Variants in PNPO observed in about 807,000 individuals in gnomAD.
PNPO encodes pyridoxine-5'-phosphate oxidase.
Under a neutral mutation model 35.0 loss-of-function variants are expected in PNPO, and 39 were observed. The ratio of observed to expected loss-of-function variants is 1.11; its 90% CI spans 0.86 to 1.45. PNPO has a LOEUF of 1.45. Ranked by LOEUF, PNPO falls within the 40% of genes most tolerant of loss-of-function variation. The pLI is 0.00. For missense variants in PNPO, 288 were observed against 340.0 expected (o/e 0.85, Z 1.20); for synonymous variants, 115 against 119.8 (o/e 0.96, Z 0.26).
At chr17:47,942,330 C>A (rs1225248335) in intron 1 of PNPO, among the ~76,000 whole-genome samples, 1 of 151,244 alleles carries the variant, frequency 6.6e-6, no homozygotes, top group African/African-American at 2.4e-5. Context: ...TCGGAGTCAT[C>A]TACTGGGGGG....
rs1437324844 is a variant in PNPO, at chr17:47,941,662, G to A, written c.-14G>A. 2 of 1,523,936 alleles carry A rather than the reference G, an allele frequency of 1.3e-6. No individual in the cohort carries two copies. The highest frequency in any genetic ancestry group is 8.9e-7 in the Non-Finnish European group (1 of 1,128,450). 94.4% of individuals were successfully genotyped at this position (1,523,936 alleles called of 1,614,324 possible). Reference sequence around the variant, plus strand: ...TGCCGGGCCACAGCCGGGTCACGTGGCCGGCGGCCCCCCATGACGTGCTGG... The same window carrying A: ...TGCCGGGCCACAGCCGGGTCACGTGACCGGCGGCCCCCCATGACGTGCTGG... On this transcript the variant is annotated 5_prime_UTR_variant, in exon 1 of 7. Transcript: ENST00000642017.
chr17:47,947,074 G>T lies in PNPO; in HGVS notation c.*292G>T, dbSNP rs939834693. The T allele has an allele frequency of 5.1e-6, 2 of 395,270 alleles. No homozygotes were observed. Among genetic ancestry groups the T allele is most frequent in the Non-Finnish European group, 9.5e-6 (2 of 211,114 alleles). 24.5% of individuals were successfully genotyped at this position (395,270 alleles called of 1,614,324 possible). On this transcript the variant is annotated 3_prime_UTR_variant, in exon 7 of 7. Transcript: ENST00000642017. ...ATAGCTCCCTCTAGGGGTAGCAGCC[G>T]GTGTGACTCCCTTTCTGGTGACAGA... is the stretch of plus-strand genomic sequence containing the variant.
At position 47,944,627 on chromosome 17, in the gene PNPO, C is replaced by G. The variant is rs753372216; in HGVS notation, c.275C>G (p.Pro92Arg). 1 of 1,613,786 alleles carries G rather than the reference C, an allele frequency of 6.2e-7. No individual in the cohort carries two copies. Among genetic ancestry groups the G allele is most frequent in the Non-Finnish European group, 8.5e-7 (1 of 1,179,756 alleles). ...CLATCTRDGKPSARMLLLKGF... is the reference protein window; with the variant it reads ...CLATCTRDGKRSARMLLLKGF... ...CTCTTTGCTCCTAGAGATGGAAAAC[C>G]CTCTGCTCGCATGTTGCTGCTGAAG... The change falls in exon 3 of 7, where the codon CCC becomes CGC. Residue 92 changes from proline (P) to arginine (R), a missense_variant. Physicochemically the swap from Pro to Arg is moderately radical, Grantham distance 103. Coordinates refer to ENST00000642017, the MANE Select transcript of PNPO (RefSeq NM_018129.4).
intron 3 of PNPO, 141 bp downstream of exon 3, chr17:47,944,856 A>G (rs1402827744): frequency 5.5e-6 from 4 of 731,792 alleles, no homozygotes; most frequent in Non-Finnish European, 9.9e-6. Context: ...AGGCCTTGGC[A>G]CTTGCTGTGC....
chr17:47,946,716 T>G lies in PNPO; in HGVS notation c.720T>G (p.Asp240Glu), dbSNP rs886937123. ...TTCGGCGGGGCCTACCCACAGGAGA[T>G]TCCCCTTTGGGGCCCATGACCCACC... is the stretch of plus-strand genomic sequence containing the variant. ...IVFRRGLPTG[D>E]SPLGPMTHRG... Residue 240 changes from aspartate (D) to glutamate (E), a missense_variant, in exon 7 of 7, where the codon GAT becomes GAG. Physicochemically the swap from Asp to Glu is conservative, Grantham distance 45. Coordinates refer to ENST00000642017, the MANE Select transcript of PNPO (RefSeq NM_018129.4). 1.2e-5 allele frequency: 19 copies of G among 1,614,016 alleles called. No homozygotes were observed. The highest frequency in any genetic ancestry group is 1.6e-5 in the Non-Finnish European group (19 of 1,179,960).
intron 6 of PNPO, 28 bp from the exon 7 acceptor site, chr17:47,946,586 G>A (rs754990445): frequency 2.5e-5 from 41 of 1,612,028 alleles, no homozygotes; most frequent in Non-Finnish European, 3.4e-5. Context: ...ACTCCACAGA[G>A]CACTGAAACC....
intron 5 of PNPO, 88 bp downstream of exon 5, chr17:47,946,077 C>T: frequency 6.7e-7 from 1 of 1,500,238 alleles, no homozygotes; most frequent in East Asian, 2.3e-5. Flanking sequence ...AGGAGATGTC[C>T]CCAGGAGATG....
In PNPO at chr17:47,945,965, G is replaced by A; in HGVS notation, c.522G>A (p.Gln174=). ...AGATTGGGGCTGTGGTCAGCCACCA[G>A]AGTTCTGTGATCCCTGATCGGGAGG... ...SSQIGAVVSH[Q]SSVIPDREYL... Residue 174 remains glutamine (Q), a synonymous_variant, in exon 5 of 7, where the codon CAG becomes CAA. Transcript: ENST00000642017. This position sits in a 1 kb window ranked among gnomAD's most constrained non-coding sequence, Gnocchi z 4.0. 6.2e-7 allele frequency: 1 copy of A among 1,614,020 alleles called. No homozygotes were observed. The highest frequency in any genetic ancestry group is 8.5e-7 in the Non-Finnish European group (1 of 1,180,042).
rs1299097842 is a variant in PNPO at position 47,941,779 on chromosome 17, G to A, written c.104G>A (p.Gly35Glu). The A allele has an allele frequency of 6.4e-7, 1 of 1,569,974 alleles. No homozygotes were observed. The highest frequency in any genetic ancestry group is 8.6e-7 in the Non-Finnish European group (1 of 1,157,044). ...LCGRSAAMDL[G>E]PMRKSYRGDR... ...GGTCGCAGTGCTGCCATGGACCTGGGACCCATGCGCAAGAGTTACCGCGGG... is the reference window on the plus strand; with the variant it reads ...GGTCGCAGTGCTGCCATGGACCTGGAACCCATGCGCAAGAGTTACCGCGGG... The change falls in exon 1 of 7, where the codon GGA becomes GAA. Residue 35 changes from glycine to glutamate, a missense_variant. Physicochemically the swap from Gly to Glu is moderately conservative, Grantham distance 98. Coordinates refer to ENST00000642017, the MANE Select transcript of PNPO (RefSeq NM_018129.4).
At chr17:47,943,758 G>GTC (rs2035973567) in intron 2 of PNPO, among the ~76,000 whole-genome samples, 1 of 152,140 alleles carries the variant, frequency 6.6e-6, no homozygotes, top group African/African-American at 2.4e-5. Context: ...GTGAAGCTCT[G>GTC]TCTCTCTCTC....
In PNPO at chr17:47,949,077, G is replaced by A. The variant is rs2036043066; in HGVS notation, c.*2295G>A. ...CCTGTGGCCCCCTGCAGGCAGGAGG[G>A]TGTTGGGTGCCCTTACCTACCTTGC... is the stretch of plus-strand genomic sequence containing the variant. On this transcript the variant is annotated 3_prime_UTR_variant, in exon 7 of 7. Transcript: ENST00000642017. 6.6e-6 allele frequency: 1 copy of A among 152,356 alleles called. No individual in the cohort carries two copies. Among genetic ancestry groups the A allele is most frequent in the Non-Finnish European group, 1.5e-5 (1 of 68,144 alleles). 9.4% of individuals were successfully genotyped at this position (152,356 alleles called of 1,614,324 possible).
At position 47,946,588 on chromosome 17, in the gene PNPO, A is replaced by G. The variant is rs79515268; in HGVS notation, c.618-26A>G. The G allele has an allele frequency of 0.074, 119,169 of 1,611,456 alleles. 4,931 individuals are homozygous for G. The highest frequency in any genetic ancestry group is 0.1 in the Middle Eastern group (607 of 6,052). On this transcript the variant is annotated intron_variant, in intron 6 of 6. Coordinates refer to ENST00000642017, the MANE Select transcript of PNPO (RefSeq NM_018129.4). ...ACCTGGCTAGAAAACTCCACAGAGC[A>G]CTGAAACCTCTGCTTCTCCTTATAG...
At position 47,944,734 on chromosome 17, in the gene PNPO, T is replaced by C. The variant is rs1184829569; in HGVS notation, c.363+19T>C. 1 of 1,591,534 alleles carries C rather than the reference T, an allele frequency of 6.3e-7. No individual in the cohort carries two copies. Among genetic ancestry groups the C allele is most frequent in the Admixed American group, 1.7e-5 (1 of 59,998 alleles). ...AGAGCTGGTGGGTGAAAAGAGCTAGTAATCTTTCCCAGGGCCTGCAGGGTT... is the reference window on the plus strand; with the variant it reads ...AGAGCTGGTGGGTGAAAAGAGCTAGCAATCTTTCCCAGGGCCTGCAGGGTT... On this transcript the variant is annotated intron_variant, in intron 3 of 6. Coordinates refer to ENST00000642017, the MANE Select transcript of PNPO (RefSeq NM_018129.4).
Position 47,949,113 on chromosome 17 carries a change from G to T in PNPO, c.*2331G>T, listed in dbSNP as rs1332056119. 6.6e-6 allele frequency: 1 copy of T among 152,370 alleles called. No homozygotes were observed. The highest frequency in any genetic ancestry group is 1.9e-4 in the East Asian group (1 of 5,208). 9.4% of individuals were successfully genotyped at this position (152,370 alleles called of 1,614,324 possible). A position where few individuals can be genotyped will look rare whatever the true frequency, so the allele number is the denominator to read the frequency against. On this transcript the variant is annotated 3_prime_UTR_variant, in exon 7 of 7. Transcript: ENST00000642017. The stretch of plus-strand genomic sequence containing the variant: ...CCTTACCTACCTTGCCCTTTTTCTT[G>T]TACCGTAGGCTGTGCCGTTTATGAG...
At position 47,943,359 on chromosome 17, in the gene PNPO, C is replaced by T. The variant is rs931497778; in HGVS notation, c.192C>T (p.Ala64=). The T allele has an allele frequency of 1.2e-6, 2 of 1,613,856 alleles. No homozygotes were observed. The highest frequency in any genetic ancestry group is 1.7e-6 in the Non-Finnish European group (2 of 1,179,884). ...TSLDPVKQFA[A]WFEEAVQCPD... ...TTGACCCAGTGAAACAGTTTGCTGC[C>T]TGGTTTGAGGAGGCTGTTCAGTGTC... Residue 64 remains alanine, a synonymous_variant, in exon 2 of 7, where the codon GCC becomes GCT. Coordinates refer to ENST00000642017, the MANE Select transcript of PNPO (RefSeq NM_018129.4).
rs1315721206 is a variant in PNPO, at chr17:47,943,400, C to A, written c.233C>A (p.Ala78Asp). 6.2e-7 allele frequency: 1 copy of A among 1,613,728 alleles called. No individual in the cohort carries two copies. The highest frequency in any genetic ancestry group is 2.2e-5 in the East Asian group (1 of 44,892). ...EAVQCPDIGEANAMCLATCTR... is the reference protein window; with the variant it reads ...EAVQCPDIGEDNAMCLATCTR... Reference sequence around the variant, plus strand: ...GTTCAGTGTCCTGACATAGGGGAAGCCAATGCCATGTGTCTGGCTACCTGC... The same window carrying A: ...GTTCAGTGTCCTGACATAGGGGAAGACAATGCCATGTGTCTGGCTACCTGC... Residue 78 changes from alanine to aspartate, a missense_variant, in exon 2 of 7, where the codon GCC (alanine) becomes GAC (aspartate). By Grantham distance (126) the Ala-to-Asp change is moderately radical. Coordinates refer to ENST00000642017, the MANE Select transcript of PNPO (RefSeq NM_018129.4).
rs2036019161 is a variant in PNPO at position 47,946,932 on chromosome 17, C to T, written c.*150C>T. 1.4e-6 allele frequency: 1 copy of T among 692,086 alleles called. No individual in the cohort carries two copies. Among genetic ancestry groups the T allele is most frequent in the Admixed American group, 2.4e-5 (1 of 41,498 alleles). 42.9% of individuals were successfully genotyped at this position (692,086 alleles called of 1,614,324 possible). A position where few individuals can be genotyped will look rare whatever the true frequency, so the allele number is the denominator to read the frequency against. ...CTTCAGAGCTAATCCTCTAAGTTCT[C>T]TGTACTCAGTTGGTTCTCAGTTAGC... On this transcript the variant is annotated 3_prime_UTR_variant, in exon 7 of 7. Transcript: ENST00000642017.
chr17:47,942,417 A>G (rs2144158043), intron 1 of PNPO, among the ~76,000 whole-genome samples: 1 of 151,694 alleles, frequency 6.6e-6, no homozygotes, highest in East Asian at 1.9e-4. Context: ...GGTCACCCAA[A>G]CCTCCTTGTG....
In PNPO at chr17:47,941,665, G is replaced by A; in HGVS notation, c.-11G>A. 1 of 1,524,210 alleles carries A rather than the reference G, an allele frequency of 6.6e-7. No homozygotes were observed. The highest frequency in any genetic ancestry group is 8.9e-7 in the Non-Finnish European group (1 of 1,128,578). The allele number at this position is 1,524,210 out of a possible 1,614,324, so 94.4% of individuals were successfully genotyped here. On this transcript the variant is annotated 5_prime_UTR_variant, in exon 1 of 7. Coordinates refer to ENST00000642017, the MANE Select transcript of PNPO (RefSeq NM_018129.4). ...CGGGCCACAGCCGGGTCACGTGGCC[G>A]GCGGCCCCCCATGACGTGCTGGCTG...
Sources: allele counts gnomAD v4.1 joint callset (sites outside exome capture counted in the v4.1 genomes callset), GRCh38; gene constraint gnomAD v4.1.1; non-coding constraint Gnocchi (gnomAD v3.1); transcripts MANE v1.5; gene names NCBI Gene and HGNC (gene_info 2026-07-23, HGNC 2026-07-21).